The following NXPE2 variants were observed in gnomAD, a reference collection of about 807,000 sequenced individuals.
NXPE2 encodes neurexophilin and PC-esterase domain family member 2.
A neutral mutation model predicts 34.4 loss-of-function variants in NXPE2; 34 were observed. The ratio of observed to expected loss-of-function variants is 0.99; its 90% CI spans 0.75 to 1.31. The LOEUF (loss-of-function observed/expected upper bound fraction) is 1.31. Among genes scored for constraint, NXPE2 ranks in the 40% most tolerant of loss-of-function variants. NXPE2 has a pLI of 0.00. For synonymous variants in NXPE2, 235 were observed against 231.3 expected, an observed-to-expected ratio of 1.02 and a Z score of -0.15; for missense variants, 649 against 672.5, an observed-to-expected ratio of 0.97 and a Z score of 0.39.
At chr11:114,759,224 C>A in the NXPE2 span, among the ~76,000 whole-genome samples, 1 of 152,218 alleles carries the variant, frequency 6.6e-6, no homozygotes, top group South Asian at 2.1e-4. Flanking sequence ...AGCCAGTTAA[C>A]CCACGGAGGT....
chr11:114,777,639 C>CT, the NXPE2 span, among the ~76,000 whole-genome samples: 1 of 152,260 alleles, frequency 6.6e-6, no homozygotes, highest in Middle Eastern at 3.4e-3. Flanking sequence ...TTTCCTCCAA[C>CT]TATTCGAGAT....
the NXPE2 span, among the ~76,000 whole-genome samples, chr11:114,726,635 CT>C: frequency 6.6e-6 from 1 of 151,982 alleles, no homozygotes. Context: ...TTCCTTTTTG[CT>C]TGCTTAAATT....
chr11:114,604,252 T>C, the NXPE2 span, among the ~76,000 whole-genome samples: 22 of 151,694 alleles, frequency 1.5e-4, no homozygotes, highest in Non-Finnish European at 2.8e-4. Context: ...GTGTTGACTC[T>C]TGGGTAACCA....
chr11:114,535,544 C>T, the NXPE2 span, among the ~76,000 whole-genome samples: 132 of 152,200 alleles, frequency 8.7e-4, no homozygotes, highest in African/African-American at 3.0e-3. Context: ...ACCCATCTCA[C>T]ATGCAGAGAC....
the NXPE2 span, among the ~76,000 whole-genome samples, chr11:114,516,049 T>A: frequency 6.6e-6 from 1 of 152,222 alleles, no homozygotes; most frequent in Non-Finnish European, 1.5e-5. Context: ...AGCAAGAAGA[T>A]GTTAAGTAGT....
At chr11:114,630,210 G>A in the NXPE2 span, among the ~76,000 whole-genome samples, 231 of 151,696 alleles carry the variant, frequency 1.5e-3, 3 homozygotes, top group African/African-American at 3.9e-3. Flanking sequence ...AGCCCTCATC[G>A]CCAAGTCAAT....
the NXPE2 span, among the ~76,000 whole-genome samples, chr11:114,669,403 C>T: frequency 6.6e-6 from 1 of 152,074 alleles, no homozygotes; most frequent in South Asian, 2.1e-4. Context: ...TTCATCTTCC[C>T]TGACTTGTCA....
chr11:114,632,993 A>G, the NXPE2 span, among the ~76,000 whole-genome samples: 1 of 103,660 alleles, frequency 9.6e-6, no homozygotes, highest in Non-Finnish European at 1.7e-5. Context: ...TTTTTATATA[A>G]TATATAATAA....
At chr11:114,472,809 C>T in the NXPE2 span, among the ~76,000 whole-genome samples, 1 of 152,124 alleles carries the variant, frequency 6.6e-6, no homozygotes, top group Non-Finnish European at 1.5e-5. Context: ...GAAGACTTTT[C>T]TTGTCTTCTC....
At chr11:114,795,999 C>T in the NXPE2 span, among the ~76,000 whole-genome samples, 24 of 152,262 alleles carry the variant, frequency 1.6e-4, no homozygotes, top group East Asian at 3.7e-3. Flanking sequence ...CCTAGAATTC[C>T]CCTATCAGCC....
At chr11:114,765,538 T>C in the NXPE2 span, among the ~76,000 whole-genome samples, 4 of 152,216 alleles carry the variant, frequency 2.6e-5, no homozygotes, top group Admixed American at 6.5e-5. Context: ...TGTAAGTTGC[T>C]TTATTGTGAT....
chr11:114,778,169 G>T, the NXPE2 span, among the ~76,000 whole-genome samples: 1 of 152,162 alleles, frequency 6.6e-6, no homozygotes, highest in Non-Finnish European at 1.5e-5. Flanking sequence ...ACTCAAAAAA[G>T]TTAAATAGGA....
the NXPE2 span, among the ~76,000 whole-genome samples, chr11:114,468,305 T>C: frequency 3.9e-5 from 6 of 152,134 alleles, no homozygotes; most frequent in Non-Finnish European, 8.8e-5. Context: ...CTCTGTGCTA[T>C]GAATCAACAG....
At chr11:114,607,876 T>G in the NXPE2 span, among the ~76,000 whole-genome samples, 150 of 152,062 alleles carry the variant, frequency 9.9e-4, 1 homozygote, top group Non-Finnish European at 1.8e-3. Flanking sequence ...ACCTGGTGGA[T>G]AGTAAGTACT....
At chr11:114,538,285 G>T in the NXPE2 span, among the ~76,000 whole-genome samples, 14 of 152,196 alleles carry the variant, frequency 9.2e-5, no homozygotes, top group Middle Eastern at 3.4e-3. Context: ...AATTCAAGAT[G>T]GATTAAAGAC....
chr11:114,793,842 T>C, the NXPE2 span, among the ~76,000 whole-genome samples: 651 of 152,302 alleles, frequency 4.3e-3, 8 homozygotes, highest in Admixed American at 0.021. Context: ...CTTTCATATA[T>C]CTCACCTTCA....
chr11:114,535,082 C>G, the NXPE2 span, among the ~76,000 whole-genome samples: 1 of 152,234 alleles, frequency 6.6e-6, no homozygotes, highest in Non-Finnish European at 1.5e-5. Context: ...CAGCTGATCT[C>G]TTGCCAGAAA....
At chr11:114,657,928 G>C in the NXPE2 span, among the ~76,000 whole-genome samples, 2 of 152,174 alleles carry the variant, frequency 1.3e-5, no homozygotes, top group South Asian at 4.2e-4. Flanking sequence ...CAGTTATTTA[G>C]CATTAGTCAT....
the NXPE2 span, among the ~76,000 whole-genome samples, chr11:114,575,772 T>C: frequency 8.5e-4 from 130 of 152,230 alleles, 1 homozygote; most frequent in African/African-American, 2.8e-3. Context: ...ATGACAGTAC[T>C]GTCAAAAGCA....
Sources: allele counts gnomAD v4.1 joint callset (sites outside exome capture counted in the v4.1 genomes callset), GRCh38; gene constraint gnomAD v4.1.1; transcripts MANE v1.5; gene names NCBI Gene and HGNC (gene_info 2026-07-23, HGNC 2026-07-21).